ERCC6L2: variants seen among roughly 807,000 people sequenced by gnomAD.
The protein encoded by ERCC6L2 is ERCC excision repair 6 like 2, also known as DNA excision repair protein ERCC-6-like 2.
ERCC6L2 carries 77 observed loss-of-function variants against 132.0 expected under a neutral mutation model. That is an observed-to-expected ratio of 0.58 (90% confidence interval 0.49 to 0.71). The LOEUF (loss-of-function observed/expected upper bound fraction) is 0.71, where lower values mean the gene tolerates loss of function less well. ERCC6L2 is among the 30% of genes least tolerant of loss of function. ERCC6L2 has a pLI of 0.00. For missense variants in ERCC6L2, 1,542 were observed against 1,837.6 expected, an observed-to-expected ratio of 0.84 and a Z score of 2.94; for synonymous variants, 583 against 632.4, an observed-to-expected ratio of 0.92 and a Z score of 1.17.
intron 18 of ERCC6L2, among the ~76,000 whole-genome samples, chr9:96,005,799 C>G (rs1373431666): frequency 6.6e-6 from 1 of 152,130 alleles, no homozygotes; most frequent in Non-Finnish European, 1.5e-5. Flanking sequence ...ATGGTTCCAG[C>G]TTCCCTGTAG....
intron 17 of ERCC6L2, among the ~76,000 whole-genome samples, chr9:95,987,502 C>T (rs1833139747): frequency 6.6e-6 from 1 of 152,208 alleles, no homozygotes; most frequent in African/African-American, 2.4e-5. Context: ...TCTTAAAGCT[C>T]CAAAATGATC....
rs1165455693 is a variant in ERCC6L2 at position 96,018,003 on chromosome 9, G to A, written c.*4800G>A. On this transcript the variant is annotated 3_prime_UTR_variant, in exon 19 of 19. Transcript: ENST00000653738. Reference sequence around the variant, plus strand: ...AATCAGACACAGAAGGACAAATACTGTATGATTCCACTTATATAAAGTACC... The same window carrying A: ...AATCAGACACAGAAGGACAAATACTATATGATTCCACTTATATAAAGTACC... Among the ~76,000 whole-genome samples the A allele has an allele frequency of 6.6e-6, 1 of 152,160 alleles. No homozygotes were observed. Among genetic ancestry groups the A allele is most frequent in the Non-Finnish European group, 1.5e-5 (1 of 68,026 alleles).
At chr9:96,009,496 C>T (rs1833963013) in intron 18 of ERCC6L2, among the ~76,000 whole-genome samples, 2 of 152,210 alleles carry the variant, frequency 1.3e-5, no homozygotes, top group Non-Finnish European at 2.9e-5. Context: ...CACCTCCCTT[C>T]CTCCAGAAAG....
At chr9:96,006,709 C>T (rs7035700) in intron 18 of ERCC6L2, among the ~76,000 whole-genome samples, 255 of 152,212 alleles carry the variant, frequency 1.7e-3, no homozygotes, top group African/African-American at 5.8e-3. Context: ...CCACAGGCCA[C>T]GCTCTGGCCT....
chr9:95,935,046 A>G (rs1401427589), intron 11 of ERCC6L2, among the ~76,000 whole-genome samples: 1 of 152,160 alleles, frequency 6.6e-6, no homozygotes, highest in African/African-American at 2.4e-5. Context: ...TTTTTGTTCA[A>G]CTACTAATAT....
intron 1 of ERCC6L2, chr9:95,877,083 G>A (rs1827312948): frequency 6.6e-6 from 1 of 152,172 alleles, no homozygotes; most frequent in Non-Finnish European, 1.5e-5. Flanking sequence ...AAGAGGGAGA[G>A]AGAGACCCTA....
chr9:95,912,767 C>A (rs996975187), intron 4 of ERCC6L2, among the ~76,000 whole-genome samples: 1 of 152,098 alleles, frequency 6.6e-6, no homozygotes, highest in African/African-American at 2.4e-5. Flanking sequence ...AATTATATGA[C>A]TTTTTGAGAG....
At position 96,035,083 on chromosome 9, in the gene ERCC6L2, C is replaced by T. The variant is rs1368489325; in HGVS notation, c.*1504-3793C>T. Among the ~76,000 whole-genome samples, 6 of 152,186 alleles carry T rather than the reference C, an allele frequency of 3.9e-5. No individual in the cohort carries two copies. The East Asian group carries it at 1.2e-3, about 29-fold the overall frequency. On this transcript the variant is annotated intron_variant and NMD_transcript_variant, in intron 19 of 20. Coordinates refer to the ERCC6L2 transcript ENST00000670016. ...CTACCACACCCCCCATCCCTGCAGG[C>T]TCGGGGGTGTCTGATCCTACTGCCT...
chr9:95,982,926 G>T (rs987405903), intron 17 of ERCC6L2, among the ~76,000 whole-genome samples: 1 of 152,116 alleles, frequency 6.6e-6, no homozygotes, highest in African/African-American at 2.4e-5. Context: ...GCTACGAGAA[G>T]CTGTGGCATC....
intron 19 of ERCC6L2, chr9:96,025,906 G>C (rs1166488526): frequency 6.6e-6 from 1 of 152,218 alleles, no homozygotes; most frequent in Non-Finnish European, 1.5e-5. Flanking sequence ...CCCTCAGATA[G>C]AGAGAATCTC....
rs1381544171 is a variant in ERCC6L2 at position 96,015,647 on chromosome 9, A to AG, written c.*2444_*2445insG. On this transcript the variant is annotated 3_prime_UTR_variant, in exon 19 of 19. Coordinates refer to ENST00000653738, the MANE Select transcript of ERCC6L2 (RefSeq NM_020207.7). ...CGTCTCTACTAAAAAAAAAAAAAAT[A>AG]CAAAAATTAGCCAGGCGTGGTGGTG... 6.0e-5 allele frequency among the ~76,000 whole-genome samples: 9 copies of AG among 149,146 alleles called. No homozygotes were observed. The highest frequency in any genetic ancestry group is 1.3e-4 in the Admixed American group (2 of 15,074).
intron 4 of ERCC6L2, among the ~76,000 whole-genome samples, chr9:95,914,145 A>G (rs1392294136): frequency 6.6e-6 from 1 of 152,100 alleles, no homozygotes; most frequent in Non-Finnish European, 1.5e-5. Context: ...ATCCTTACCA[A>G]CACTTGATAT....
intron 19 of ERCC6L2, among the ~76,000 whole-genome samples, chr9:96,026,439 T>G (rs1012152116): frequency 2.0e-5 from 3 of 151,218 alleles, no homozygotes; most frequent in African/African-American, 2.4e-5. Context: ...GGGGCGGGGG[T>G]GGGGGAAGCG....
chr9:96,005,053 C>G (rs537508058), intron 18 of ERCC6L2, among the ~76,000 whole-genome samples: 3 of 152,314 alleles, frequency 2.0e-5, no homozygotes, highest in African/African-American at 7.2e-5. Flanking sequence ...GTGGCTCATG[C>G]TTGTAATCTC....
At chr9:95,902,869 C>A (rs1394565452) in intron 3 of ERCC6L2, among the ~76,000 whole-genome samples, 1 of 151,916 alleles carries the variant, frequency 6.6e-6, no homozygotes, top group Non-Finnish European at 1.5e-5. Flanking sequence ...GATTAATAGT[C>A]CTTAACGATA....
chr9:95,964,729 G>A (rs961489608), intron 13 of ERCC6L2, among the ~76,000 whole-genome samples: 1 of 152,040 alleles, frequency 6.6e-6, no homozygotes, highest in African/African-American at 2.4e-5. Flanking sequence ...CATAAGCTAC[G>A]AACTAAGCTA....
rs188607757 is a variant in ERCC6L2 at position 96,013,855 on chromosome 9, A to G, written c.*652A>G. On this transcript the variant is annotated 3_prime_UTR_variant, in exon 19 of 19. Transcript: ENST00000653738. ...CTTTACTATATGAGCTGTGATTACTACCATTAGCCACAGATACCAGTGCCT... is the reference window on the plus strand; with the variant it reads ...CTTTACTATATGAGCTGTGATTACTGCCATTAGCCACAGATACCAGTGCCT... 1 of 152,306 alleles carries G rather than the reference A, an allele frequency of 6.6e-6. No homozygotes were observed. The highest frequency in any genetic ancestry group is 1.9e-4 in the East Asian group (1 of 5,182). The allele number at this position is 152,306 out of a possible 1,614,324, so 9.4% of individuals were successfully genotyped here.
At chr9:95,989,941 C>T (rs527513399) in intron 17 of ERCC6L2, among the ~76,000 whole-genome samples, 3 of 152,286 alleles carry the variant, frequency 2.0e-5, no homozygotes, top group African/African-American at 7.2e-5. Context: ...AAATCTGGAG[C>T]CAGAAATGTG....
rs755822736 is a variant in ERCC6L2, at chr9:95,916,295, G to T, written c.1019G>T (p.Gly340Val). ...KKQFSDPVEHGQRHTATKREL... is the reference protein window; with the variant it reads ...KKQFSDPVEHVQRHTATKREL... ...CAGTTTTCTGACCCAGTAGAACATG[G>T]TCAGAGACACACGGCAACAAAGAGA... Residue 340 changes from glycine to valine, a missense_variant, in exon 6 of 19, where the codon GGT becomes GTT. Coordinates refer to ENST00000653738, the MANE Select transcript of ERCC6L2 (RefSeq NM_020207.7). 2 of 1,614,126 alleles carry T rather than the reference G, an allele frequency of 1.2e-6. No homozygotes were observed. The highest frequency in any genetic ancestry group is 1.7e-6 in the Non-Finnish European group (2 of 1,180,000).
Sources: gnomAD v4.1 joint callset for allele counts (sites outside exome capture counted in the v4.1 genomes callset) on GRCh38, gnomAD v4.1.1 for gene constraint, MANE v1.5 for transcripts, NCBI Gene and HGNC (gene_info 2026-07-23, HGNC 2026-07-21) for gene names.